GPC6: variants seen among roughly 807,000 people sequenced by gnomAD.
The protein encoded by GPC6 is glypican-6.
In GPC6, 14 loss-of-function variants were observed where a neutral mutation model predicts 55.2. The ratio of observed to expected loss-of-function variants is 0.25; its 90% confidence interval spans 0.17 to 0.40. GPC6 has a LOEUF of 0.40. GPC6 is among the 10% of genes least tolerant of loss of function. GPC6 has a pLI of 1.00. For synonymous variants in GPC6, 278 were observed against 259.6 expected (o/e 1.07, Z -0.68); for missense variants, 641 against 708.5 (o/e 0.90, Z 1.08).
intron 4 of GPC6, among the ~76,000 whole-genome samples, chr13:94,155,242 CCTT>C (rs1418193272): frequency 2.6e-5 from 4 of 151,926 alleles, no homozygotes; most frequent in African/African-American, 7.3e-5. Flanking sequence ...ACCTGCTCCT[CCTT>C]CTTTTCTCGA....
At chr13:94,072,391 G>A (rs1884767028) in intron 4 of GPC6, among the ~76,000 whole-genome samples, 1 of 152,166 alleles carries the variant, frequency 6.6e-6, no homozygotes, top group African/African-American at 2.4e-5. Context: ...GTCTCACTCT[G>A]TCTTCCAGGC....
chr13:93,994,179 G>T (rs1434837866), intron 3 of GPC6, among the ~76,000 whole-genome samples: 1 of 152,070 alleles, frequency 6.6e-6, no homozygotes, highest in Non-Finnish European at 1.5e-5. Flanking sequence ...TCACACTTCT[G>T]TTTTCCTGTT....
At chr13:93,375,488 C>T (rs1222997585) in intron 1 of GPC6, among the ~76,000 whole-genome samples, 2 of 152,180 alleles carry the variant, frequency 1.3e-5, no homozygotes, top group Non-Finnish European at 1.5e-5. Flanking sequence ...CACTTCCCTC[C>T]CCAACTCCCC....
intron 1 of GPC6, among the ~76,000 whole-genome samples, chr13:93,437,722 G>T (rs912080938): frequency 6.6e-6 from 1 of 152,172 alleles, no homozygotes; most frequent in Non-Finnish European, 1.5e-5. Context: ...GAAGCAGCAG[G>T]TGCTGATGAA....
At chr13:94,122,258 T>C (rs994022150) in intron 4 of GPC6, among the ~76,000 whole-genome samples, 1 of 152,118 alleles carries the variant, frequency 6.6e-6, no homozygotes, top group African/African-American at 2.4e-5. Context: ...TTGGGCACTT[T>C]GCAGGCTTTT....
At chr13:94,309,115 A>G (rs1435980376) in intron 6 of GPC6, among the ~76,000 whole-genome samples, 3 of 152,242 alleles carry the variant, frequency 2.0e-5, no homozygotes, top group African/African-American at 4.8e-5. Flanking sequence ...AATATTTATA[A>G]GAAGCATGTG....
chr13:93,236,655 G>A lies in GPC6; in HGVS notation c.160+9039G>A, dbSNP rs144390190. Among the ~76,000 whole-genome samples the A allele has an allele frequency of 1.3e-4, 20 of 152,278 alleles. No individual in the cohort carries two copies. The East Asian group carries it at 3.1e-3, about 24-fold the overall frequency. On this transcript the variant is annotated intron_variant, in intron 1 of 8. Coordinates refer to ENST00000377047, the MANE Select transcript of GPC6 (RefSeq NM_005708.5). ...ATGAGAATCTAATGCCTGATGGTCT[G>A]AGGTGAAACAGTTTCATATCCAAAC...
At chr13:93,440,230 A>G (rs1031436252) in intron 1 of GPC6, among the ~76,000 whole-genome samples, 6 of 152,114 alleles carry the variant, frequency 3.9e-5, no homozygotes, top group Admixed American at 3.3e-4. Context: ...TTCTTCAACC[A>G]CTTGGATATT....
chr13:94,231,653 C>T (rs946597378), intron 4 of GPC6, among the ~76,000 whole-genome samples: 6 of 152,020 alleles, frequency 3.9e-5, no homozygotes, highest in African/African-American at 9.7e-5. Context: ...AAAGAGATCT[C>T]GGAAAATGGC....
At chr13:93,409,233 C>T (rs998739888) in intron 1 of GPC6, among the ~76,000 whole-genome samples, 3 of 151,704 alleles carry the variant, frequency 2.0e-5, no homozygotes, top group Non-Finnish European at 4.4e-5. Context: ...TGCCAGCCAG[C>T]TGGCAGCTGC....
At chr13:93,965,875 C>T (rs1031562599) in intron 3 of GPC6, among the ~76,000 whole-genome samples, 6 of 152,168 alleles carry the variant, frequency 3.9e-5, no homozygotes, top group Non-Finnish European at 7.3e-5. Flanking sequence ...GCAGCCACTA[C>T]GTTTTGTGAC....
At chr13:93,761,878 T>C (rs749275311) in intron 2 of GPC6, among the ~76,000 whole-genome samples, 1 of 152,174 alleles carries the variant, frequency 6.6e-6, no homozygotes, top group Non-Finnish European at 1.5e-5. Flanking sequence ...ATGAGAACAT[T>C]TAAAATCCAC....
At chr13:93,353,579 G>C (rs566607493) in intron 1 of GPC6, among the ~76,000 whole-genome samples, 1 of 152,320 alleles carries the variant, frequency 6.6e-6, no homozygotes, top group South Asian at 2.1e-4. Context: ...TTAAGAAGAA[G>C]CCAGCAGATA....
In GPC6 at chr13:93,321,164, G is replaced by T. The variant is rs573357330; in HGVS notation, c.160+93548G>T. ...CTGAAGTACTGTATTCCATTCTCTC[G>T]CTTACTCAGAATTGCATCACGTTAG... On this transcript the variant is annotated intron_variant, in intron 1 of 8. Transcript: ENST00000377047. Among the ~76,000 whole-genome samples the T allele has an allele frequency of 1.5e-4, 23 of 152,084 alleles. No individual in the cohort carries two copies. The East Asian group carries it at 1.6e-3, about 10-fold the overall frequency.
rs144004594 is a variant in GPC6 at position 93,250,232 on chromosome 13, A to C, written c.160+22616A>C. Among the ~76,000 whole-genome samples, 134 of 152,342 alleles carry C rather than the reference A, an allele frequency of 8.8e-4. 1 individual carries two copies. In the Middle Eastern group the frequency reaches 0.031, roughly 35 times the overall value. On this transcript the variant is annotated intron_variant, in intron 1 of 8. Coordinates refer to ENST00000377047, the MANE Select transcript of GPC6 (RefSeq NM_005708.5). ...ATCTGACAAGTACGAAAGGCTGTAC[A>C]CATGCTTGTCAATTAACACAGAGTA...
chr13:93,605,321 A>C (rs1387516306), intron 2 of GPC6, among the ~76,000 whole-genome samples: 1 of 152,216 alleles, frequency 6.6e-6, no homozygotes, highest in African/African-American at 2.4e-5. Flanking sequence ...GAAAGTTTTA[A>C]AACAATGTCT....
intron 3 of GPC6, among the ~76,000 whole-genome samples, chr13:93,986,641 A>C (rs1881045393): frequency 6.6e-6 from 1 of 152,152 alleles, no homozygotes; most frequent in African/African-American, 2.4e-5. Context: ...TTTCCCTCTT[A>C]CTATAATATT....
chr13:93,230,881 T>C (rs1026962650), intron 1 of GPC6, among the ~76,000 whole-genome samples: 5 of 152,112 alleles, frequency 3.3e-5, no homozygotes, highest in African/African-American at 1.2e-4. Flanking sequence ...TCTGCCACTG[T>C]TTTATGCCTT....
intron 2 of GPC6, among the ~76,000 whole-genome samples, chr13:93,660,696 G>A (rs3904307): frequency 0.83 from 125,662 of 152,128 alleles, 53,014 homozygotes; most frequent in Non-Finnish European, 0.93. Context: ...CTAGATTTGG[G>A]CTGAGGGTGA....
Sources: allele counts gnomAD v4.1 joint callset (sites outside exome capture counted in the v4.1 genomes callset), GRCh38; gene constraint gnomAD v4.1.1; transcripts MANE v1.5; gene names NCBI Gene and HGNC (gene_info 2026-07-23, HGNC 2026-07-21).